Variants in THTPA observed in about 807,000 individuals in gnomAD.
The protein encoded by THTPA is thiamine triphosphatase.
Under a neutral mutation model 16.5 loss-of-function variants are expected in THTPA, and 16 were observed. The observed-to-expected ratio is 0.97, with a 90% confidence interval of 0.66 to 1.47. The LOEUF (loss-of-function observed/expected upper bound fraction) is 1.47, where lower values mean the gene tolerates loss of function less well. Among genes scored for constraint, THTPA ranks in the 40% most tolerant of loss-of-function variants. The pLI is 0.00. For synonymous variants in THTPA, 110 were observed against 115.5 expected (o/e 0.95, Z 0.30); for missense variants, 281 against 280.9 (o/e 1.00, Z 0.00).
At chr14:23,532,909 G>A in the THTPA span, 1 of 1,536,238 alleles carries the variant, frequency 6.5e-7, no homozygotes, top group Non-Finnish European at 8.7e-7. Context: ...GGCCTATGCT[G>A]CAGTGGTAGA....
the THTPA span, among the ~76,000 whole-genome samples, chr14:23,512,188 G>A: frequency 1.3e-5 from 2 of 152,144 alleles, no homozygotes; most frequent in Non-Finnish European, 2.9e-5. Context: ...TGGGGAGCTG[G>A]GGTGCAGGGG....
chr14:23,557,108 A>T lies in THTPA; in HGVS notation c.351A>T (p.Glu117Asp). 4 of 1,614,236 alleles carry T rather than the reference A, an allele frequency of 2.5e-6. No homozygotes were observed. Among genetic ancestry groups the T allele is most frequent in the Non-Finnish European group, 3.4e-6 (4 of 1,180,042 alleles). ...AAVLGPLGLQ[E>D]VASFVTKRSA... Reference sequence around the variant, plus strand: ...TGCTGGGCCCACTGGGGCTGCAGGAAGTAGCTAGTTTTGTGACTAAGCGGA... The same window carrying T: ...TGCTGGGCCCACTGGGGCTGCAGGATGTAGCTAGTTTTGTGACTAAGCGGA... Residue 117 changes from glutamate (E) to aspartate (D), a missense_variant, in exon 1 of 2, where the codon GAA becomes GAT. Coordinates refer to ENST00000288014, the MANE Select transcript of THTPA (RefSeq NM_024328.6).
the THTPA span, chr14:23,532,942 G>A: frequency 2.0e-6 from 3 of 1,536,196 alleles, no homozygotes; most frequent in Non-Finnish European, 2.6e-6. Context: ...GGCTGTCTGT[G>A]CTGAAGGCCT....
chr14:23,527,821 GGC>G, the THTPA span: 1 of 1,534,676 alleles, frequency 6.5e-7, no homozygotes, highest in Non-Finnish European at 8.7e-7. Flanking sequence ...GGAACATATG[GGC>G]AGTGGACGAA....
the THTPA span, chr14:23,526,935 CAGCACTTTGGTT>C: frequency 6.5e-7 from 1 of 1,531,100 alleles, no homozygotes; most frequent in Non-Finnish European, 8.7e-7. Context: ...TGGGTGCAGA[CAGCACTTTGGTT>C]GTAAATGTCA....
At chr14:23,524,806 T>G in the THTPA span, 40 of 1,536,766 alleles carry the variant, frequency 2.6e-5, no homozygotes, top group Middle Eastern at 3.3e-4. The surrounding 1 kb of genome is among the most constrained non-coding windows in gnomAD (Gnocchi z 5.6). Context: ...CTTCCACCTC[T>G]TCCTCCTCTT....
At chr14:23,518,611 C>T in the THTPA span, among the ~76,000 whole-genome samples, 1 of 152,354 alleles carries the variant, frequency 6.6e-6, no homozygotes, top group South Asian at 2.1e-4. This position sits in a 1 kb window ranked among gnomAD's most constrained non-coding sequence, Gnocchi z 4.5. Context: ...TTCACCACCG[C>T]CTCTTGGTCT....
At chr14:23,544,977 C>A in the THTPA span, among the ~76,000 whole-genome samples, 14 of 152,196 alleles carry the variant, frequency 9.2e-5, no homozygotes, top group African/African-American at 3.4e-4. Flanking sequence ...TTTCATGTCT[C>A]CCTTCCCGCT....
chr14:23,523,389 C>T, the THTPA span: 9 of 1,502,104 alleles, frequency 6.0e-6, no homozygotes, highest in Non-Finnish European at 8.0e-6. The surrounding 1 kb of genome is among the most constrained non-coding windows in gnomAD (Gnocchi z 4.1). Flanking sequence ...CACTTGCTTT[C>T]ACTCTTCAGC....
At chr14:23,520,141 C>T in the THTPA span, among the ~76,000 whole-genome samples, 5 of 152,144 alleles carry the variant, frequency 3.3e-5, no homozygotes, top group Admixed American at 6.5e-5. This position sits in a 1 kb window ranked among gnomAD's most constrained non-coding sequence, Gnocchi z 8.7. Flanking sequence ...TTGGTGATAA[C>T]ACCCTATCAA....
chr14:23,530,131 G>T, the THTPA span: 39 of 1,536,092 alleles, frequency 2.5e-5, no homozygotes, highest in Non-Finnish European at 3.1e-5. Flanking sequence ...CAATTGTTCT[G>T]TCTTGTTCTG....
At chr14:23,520,814 C>A in the THTPA span, 1 of 148,528 alleles carries the variant, frequency 6.7e-6, no homozygotes, top group African/African-American at 2.5e-5. This position sits in a 1 kb window ranked among gnomAD's most constrained non-coding sequence, Gnocchi z 8.7. Context: ...GGGGGTGGGA[C>A]AGGGAGCAGG....
chr14:23,532,742 C>G, the THTPA span: 7 of 1,536,086 alleles, frequency 4.6e-6, no homozygotes, highest in South Asian at 5.9e-5. Context: ...GGCTCCACCC[C>G]CCTCCCGCAG....
At position 23,558,711 on chromosome 14, in the gene THTPA, G is replaced by T; in HGVS notation, c.564G>T (p.Glu188Asp). 1 of 1,614,228 alleles carries T rather than the reference G, an allele frequency of 6.2e-7. No homozygotes were observed. The highest frequency in any genetic ancestry group is 1.1e-5 in the South Asian group (1 of 91,090). The change falls in exon 2 of 2, where the codon GAG becomes GAT. Residue 188 changes from glutamate to aspartate, a missense_variant. Physicochemically the swap from Glu to Asp is conservative, Grantham distance 45 (BLOSUM62 2). Coordinates refer to ENST00000288014, the MANE Select transcript of THTPA (RefSeq NM_024328.6). ...LSSMLGVPAQETAPAKLIVYL... is the reference protein window; with the variant it reads ...LSSMLGVPAQDTAPAKLIVYL... Reference sequence around the variant, plus strand: ...TACCTGTAGGTGTGCCTGCACAGGAGACAGCACCAGCCAAGCTGATTGTGT... The same window carrying T: ...TACCTGTAGGTGTGCCTGCACAGGATACAGCACCAGCCAAGCTGATTGTGT...
the THTPA span, among the ~76,000 whole-genome samples, chr14:23,528,293 T>G: frequency 1.3e-5 from 2 of 152,274 alleles, no homozygotes; most frequent in East Asian, 3.9e-4. Context: ...GAGAGCTGGC[T>G]CCTCCCCACT....
the THTPA span, among the ~76,000 whole-genome samples, chr14:23,545,972 A>G: frequency 2.6e-5 from 4 of 152,312 alleles, no homozygotes; most frequent in African/African-American, 9.6e-5. Flanking sequence ...AAGCCAAATG[A>G]CTGGTAATTG....
chr14:23,546,692 C>T, the THTPA span, among the ~76,000 whole-genome samples: 1 of 151,922 alleles, frequency 6.6e-6, no homozygotes, highest in Admixed American at 6.5e-5. The surrounding 1 kb of genome is among the most constrained non-coding windows in gnomAD (Gnocchi z 4.7). Flanking sequence ...GGGTGGTGGG[C>T]TGACCGAGCT....
At chr14:23,524,944 A>T in the THTPA span, 2 of 1,536,224 alleles carry the variant, frequency 1.3e-6, no homozygotes, top group East Asian at 4.9e-5. This position sits in a 1 kb window ranked among gnomAD's most constrained non-coding sequence, Gnocchi z 5.6. Context: ...AGGCTCCCCC[A>T]GTGCCTCCTC....
At chr14:23,526,889 T>TG in the THTPA span, 3 of 1,533,684 alleles carry the variant, frequency 2.0e-6, no homozygotes, top group Admixed American at 2.0e-5. Context: ...GGCCCATGAG[T>TG]GGGGGGTTCT....
Sources: allele counts gnomAD v4.1 joint callset (sites outside exome capture counted in the v4.1 genomes callset), GRCh38; gene constraint gnomAD v4.1.1; non-coding constraint Gnocchi (gnomAD v3.1); transcripts MANE v1.5; gene names NCBI Gene and HGNC (gene_info 2026-07-23, HGNC 2026-07-21).